PJA2: variants seen among roughly 807,000 people sequenced by gnomAD.
PJA2 encodes praja ring finger ubiquitin ligase 2.
Under a neutral mutation model 69.3 loss-of-function variants are expected in PJA2, and 25 were observed. The observed-to-expected ratio is 0.36, with a 90% CI of 0.26 to 0.50. The LOEUF (loss-of-function observed/expected upper bound fraction) is 0.50. Among genes scored for constraint, PJA2 ranks in the 20% least tolerant of loss-of-function variants. PJA2 has a pLI of 0.96. For synonymous variants in PJA2, 308 were observed against 277.8 expected, an observed-to-expected ratio of 1.11 and a Z score of -1.08; for missense variants, 809 against 830.2, an observed-to-expected ratio of 0.97 and a Z score of 0.31.
At chr5:109,344,677 C>T (rs772686520) in intron 8 of PJA2, 28 bp downstream of exon 8, 2 of 1,429,776 alleles carry the variant, frequency 1.4e-6, no homozygotes, top group Admixed American at 1.7e-5. Context: ...ATGTGTTCTT[C>T]AACATTTGAG....
At chr5:109,408,503 T>C (rs1438138018) in intron 1 of PJA2, among the ~76,000 whole-genome samples, 1 of 152,140 alleles carries the variant, frequency 6.6e-6, no homozygotes, top group Non-Finnish European at 1.5e-5. Context: ...GCAAGCGGTA[T>C]GCAAACATGT....
At chr5:109,346,854 A>T (rs1361086241) in intron 7 of PJA2, among the ~76,000 whole-genome samples, 1 of 152,204 alleles carries the variant, frequency 6.6e-6, no homozygotes, top group Non-Finnish European at 1.5e-5. Context: ...ATTTTATATT[A>T]TGTTTATTTT....
intron 4 of PJA2, among the ~76,000 whole-genome samples, chr5:109,377,239 T>C (rs1746912116): frequency 6.6e-6 from 1 of 152,144 alleles, no homozygotes; most frequent in Non-Finnish European, 1.5e-5. Context: ...GCATTCATAT[T>C]CAAAATGGTA....
chr5:109,352,540 T>C (rs911892332), intron 7 of PJA2, among the ~76,000 whole-genome samples: 2 of 152,236 alleles, frequency 1.3e-5, no homozygotes, highest in African/African-American at 4.8e-5. Flanking sequence ...GTTAAATAAT[T>C]TGGCAAAAAT....
chr5:109,398,574 C>A (rs542814273), intron 1 of PJA2, among the ~76,000 whole-genome samples: 2 of 136,572 alleles, frequency 1.5e-5, no homozygotes, highest in African/African-American at 2.8e-5. Flanking sequence ...TAGGTGGGAA[C>A]TGAACAAGGA....
chr5:109,392,634 A>G (rs1322657462), intron 1 of PJA2, among the ~76,000 whole-genome samples: 1 of 152,014 alleles, frequency 6.6e-6, no homozygotes, highest in African/African-American at 2.4e-5. Context: ...TCAAGCCTAT[A>G]TTAATTTTAA....
At chr5:109,367,244 C>T (rs946244760) in intron 5 of PJA2, among the ~76,000 whole-genome samples, 1 of 149,614 alleles carries the variant, frequency 6.7e-6, no homozygotes, top group Admixed American at 6.7e-5. Context: ...ACTGTTGAAA[C>T]CAATTATGTT....
intron 7 of PJA2, among the ~76,000 whole-genome samples, chr5:109,349,309 G>A (rs1194642199): frequency 6.6e-6 from 1 of 152,152 alleles, no homozygotes; most frequent in Non-Finnish European, 1.5e-5. Context: ...CTAACAGCTG[G>A]CATGATGCTA....
At chr5:109,353,978 A>C (rs1762338372) in intron 7 of PJA2, among the ~76,000 whole-genome samples, 1 of 138,334 alleles carries the variant, frequency 7.2e-6, no homozygotes, top group African/African-American at 2.7e-5. Context: ...AGAGATATCT[A>C]TAGATTAGAT....
In PJA2 at chr5:109,353,941, T is replaced by A. The variant is rs1298537150; in HGVS notation, c.1764+1974A>T. ...TAGATGTCTATGATATCTAGAGATA[T>A]CTATAGATTAGATGTCTATGATATC... On this transcript the variant is annotated intron_variant, in intron 7 of 9. Coordinates refer to ENST00000361189, the MANE Select transcript of PJA2 (RefSeq NM_014819.5). 1.6e-5 allele frequency among the ~76,000 whole-genome samples: 2 copies of A among 125,582 alleles called. 1 individual carries two copies. The highest frequency in any genetic ancestry group is 6.0e-5 in the African/African-American group (2 of 33,608). 82.4% of individuals were successfully genotyped at this position (125,582 alleles called of 152,430 possible).
At chr5:109,380,834 CATGGTGA>C (rs1216565704) in intron 3 of PJA2, among the ~76,000 whole-genome samples, 1 of 148,204 alleles carries the variant, frequency 6.7e-6, no homozygotes, top group African/African-American at 2.5e-5. Context: ...GAACGCCAGG[CATGGTGA>C]CTCACACCTG....
At chr5:109,348,684 G>T (rs1762206996) in intron 7 of PJA2, among the ~76,000 whole-genome samples, 1 of 152,072 alleles carries the variant, frequency 6.6e-6, no homozygotes, top group Non-Finnish European at 1.5e-5. Context: ...AAAAAAGAAA[G>T]AACTGAAGAT....
intron 9 of PJA2, among the ~76,000 whole-genome samples, chr5:109,341,555 G>GGT (rs1327420431): frequency 1.7e-4 from 25 of 145,708 alleles, no homozygotes; most frequent in East Asian, 1.7e-3. Flanking sequence ...AGGTGGGGGG[G>GGT]GGTCAGCCCC....
At chr5:109,403,765 A>T (rs1167420808) in intron 1 of PJA2, among the ~76,000 whole-genome samples, 2 of 10,482 alleles carry the variant, frequency 1.9e-4, no homozygotes, top group Admixed American at 6.1e-4. Flanking sequence ...CTCATGATTT[A>T]AAAAAAAAAA....
At chr5:109,374,875 T>C (rs1746827789) in intron 4 of PJA2, among the ~76,000 whole-genome samples, 1 of 152,198 alleles carries the variant, frequency 6.6e-6, no homozygotes. Flanking sequence ...ACTCAAGATC[T>C]TGTCCTCAAA....
intron 1 of PJA2, among the ~76,000 whole-genome samples, chr5:109,399,729 C>G (rs957893079): frequency 2.0e-5 from 3 of 152,068 alleles, no homozygotes; most frequent in African/African-American, 7.2e-5. Context: ...GACAAAAAAG[C>G]TGAGGAGGAA....
intron 4 of PJA2, among the ~76,000 whole-genome samples, chr5:109,374,327 A>G (rs1028359540): frequency 2.0e-5 from 3 of 152,158 alleles, no homozygotes; most frequent in African/African-American, 7.2e-5. Context: ...AGGTTTGCTA[A>G]AATGTCAGCA....
chr5:109,381,300 G>A (rs772347440), intron 3 of PJA2, among the ~76,000 whole-genome samples: 4 of 151,882 alleles, frequency 2.6e-5, no homozygotes, highest in Non-Finnish European at 5.9e-5. Flanking sequence ...TTAATGATTG[G>A]CTGTATTCTA....
chr5:109,341,989 C>A (rs1582580171), intron 9 of PJA2, among the ~76,000 whole-genome samples: 9 of 128,216 alleles, frequency 7.0e-5, no homozygotes, highest in South Asian at 5.7e-4. Context: ...CCGCCCCGTC[C>A]GGGAGGGAGG....
Sources: allele counts gnomAD v4.1 joint callset (sites outside exome capture counted in the v4.1 genomes callset), GRCh38; gene constraint gnomAD v4.1.1; transcripts MANE v1.5; gene names NCBI Gene and HGNC (gene_info 2026-07-23, HGNC 2026-07-21).